Variants in SLC19A2 observed in about 807,000 individuals in gnomAD.
The protein encoded by SLC19A2 is thiamine transporter 1.
In SLC19A2, 27 loss-of-function variants were observed where a neutral mutation model predicts 44.7. That is an observed-to-expected ratio of 0.60 (90% CI 0.45 to 0.83). SLC19A2 has a LOEUF of 0.83. Ranked by LOEUF, SLC19A2 falls within the 40% of genes least tolerant of loss-of-function variation. The probability of loss-of-function intolerance (pLI) is 0.00; values close to 1 mark genes in which losing one functional copy is unlikely to be tolerated. For missense variants in SLC19A2, 566 were observed against 613.7 expected, an observed-to-expected ratio of 0.92 and a Z score of 0.82; for synonymous variants, 239 against 243.6, an observed-to-expected ratio of 0.98 and a Z score of 0.18.
At position 169,468,626 on chromosome 1, in the gene SLC19A2, A is replaced by G. The variant is rs199988640; in HGVS notation, c.1223+18T>C. 2 of 1,610,470 alleles carry G rather than the reference A, an allele frequency of 1.2e-6. No homozygotes were observed. Among genetic ancestry groups the G allele is most frequent in the East Asian group, 4.5e-5 (2 of 44,840 alleles). On this transcript the variant is annotated intron_variant, in intron 4 of 5. Coordinates refer to ENST00000236137, the MANE Select transcript of SLC19A2 (RefSeq NM_006996.3). ...TGTTACAATTTTTCCTAAGGCTTCT[A>G]TGAGCCAAAATACATACGTTGCTAT...
At chr1:169,467,413 A>G (rs1211297874) in intron 5 of SLC19A2, among the ~76,000 whole-genome samples, 1 of 152,228 alleles carries the variant, frequency 6.6e-6, no homozygotes. Flanking sequence ...TCGCTTCAGT[A>G]AAAACAAAGT....
Position 169,465,355 on chromosome 1 carries a change from T to C in SLC19A2, c.*494A>G, listed in dbSNP as rs1657962589. The stretch of plus-strand genomic sequence containing the variant: ...TAGAATAACTATGTAGAAAGACCAA[T>C]GTACATGAGTAACACAGAAATAAGA... On this transcript the variant is annotated 3_prime_UTR_variant, in exon 6 of 6. Coordinates refer to ENST00000236137, the MANE Select transcript of SLC19A2 (RefSeq NM_006996.3). 1 of 165,780 alleles carries C rather than the reference T, an allele frequency of 6.0e-6. No individual in the cohort carries two copies. 10.3% of individuals were successfully genotyped at this position (165,780 alleles called of 1,614,324 possible).
intron 2 of SLC19A2, among the ~76,000 whole-genome samples, chr1:169,472,001 CA>C (rs1358232613): frequency 1.3e-5 from 2 of 151,990 alleles, no homozygotes; most frequent in East Asian, 3.9e-4. Context: ...TGAGGTTAAT[CA>C]AAATAACTCA....
At chr1:169,468,516 A>G (rs1056098836) in intron 4 of SLC19A2, 128 bp downstream of exon 4, 12 of 788,928 alleles carry the variant, frequency 1.5e-5, no homozygotes, top group Middle Eastern at 5.7e-4. Context: ...GATAATGCAC[A>G]TATAATACAA....
intron 5 of SLC19A2, 151 bp downstream of exon 5, chr1:169,467,960 G>A (rs1658073543): frequency 2.7e-6 from 2 of 750,868 alleles, no homozygotes; most frequent in Non-Finnish European, 2.3e-6. Flanking sequence ...CTAAGGATAG[G>A]GGAGAAGATG....
At chr1:169,472,023 T>C (rs1483175799) in intron 2 of SLC19A2, among the ~76,000 whole-genome samples, 2 of 152,146 alleles carry the variant, frequency 1.3e-5, no homozygotes, top group Non-Finnish European at 2.9e-5. Flanking sequence ...GAGAAAGAAG[T>C]ACCGACACTT....
chr1:169,470,831 T>C (rs1487643105), intron 2 of SLC19A2, among the ~76,000 whole-genome samples: 1 of 152,048 alleles, frequency 6.6e-6, no homozygotes, highest in Non-Finnish European at 1.5e-5. Flanking sequence ...TCCCAAGAAG[T>C]CAATATGAGA....
chr1:169,474,822 C>T (rs180729176), intron 2 of SLC19A2, among the ~76,000 whole-genome samples: 1 of 152,176 alleles, frequency 6.6e-6, no homozygotes, highest in African/African-American at 2.4e-5. Context: ...CAGCACTGCC[C>T]ATCTGCTATG....
Position 169,485,722 on chromosome 1 carries a change from C to A in SLC19A2, c.45G>T (p.Ala15=). 1 of 1,531,930 alleles carries A rather than the reference C, an allele frequency of 6.5e-7. No individual in the cohort carries two copies. Among genetic ancestry groups the A allele is most frequent in the South Asian group, 1.2e-5 (1 of 83,562 alleles). 94.9% of individuals were successfully genotyped at this position (1,531,930 alleles called of 1,614,324 possible). ...GAGCGGTCCGCAGGAGCACAGTGGC[C>A]GCCGCCGCCGCCGCCCGCCGAGACA... The part of the protein sequence containing the change: ...GPVSRRAAAA[A]ATVLLRTARV... Residue 15 remains alanine (A), a synonymous_variant, in exon 1 of 6, where the codon GCG becomes GCT. Coordinates refer to ENST00000236137, the MANE Select transcript of SLC19A2 (RefSeq NM_006996.3).
At position 169,477,156 on chromosome 1, in the gene SLC19A2, G is replaced by T; in HGVS notation, c.806C>A (p.Pro269Gln). 1 of 1,613,466 alleles carries T rather than the reference G, an allele frequency of 6.2e-7. No individual in the cohort carries two copies. Among genetic ancestry groups the T allele is most frequent in the South Asian group, 1.1e-5 (1 of 91,016 alleles). Residue 269 changes from proline (P) to glutamine (Q), a missense_variant and splice_region_variant, in exon 2 of 6, where the codon CCG (proline) becomes CAG (glutamine). By Grantham distance (76) the Pro-to-Gln change is moderately conservative. Transcript: ENST00000236137. The part of the protein sequence containing the change: ...LNMEEPPVEE[P>Q]EPKPDRLLVL... ...CAAGATATTTAAGGCTGAGCTTACC[G>T]GTTCCTCCACGGGAGGCTCCTCCAT...
At position 169,468,711 on chromosome 1, in the gene SLC19A2, T is replaced by C; in HGVS notation, c.1156A>G (p.Ile386Val). Residue 386 changes from isoleucine (I) to valine (V), a missense_variant, in exon 4 of 6, where the codon ATT (isoleucine) becomes GTT (valine). By Grantham distance (29) the Ile-to-Val change is conservative. Coordinates refer to ENST00000236137, the MANE Select transcript of SLC19A2 (RefSeq NM_006996.3). ...ACATAGGATGCATAGCACACCCAAA[T>C]GTTACCCACAGTGTCCATGATATAC... ...AVYIMDTVGN[I>V]WVCYASYVVF... The C allele has an allele frequency of 6.2e-7, 1 of 1,613,858 alleles. No homozygotes were observed. The highest frequency in any genetic ancestry group is 8.5e-7 in the Non-Finnish European group (1 of 1,179,874).
At chr1:169,479,134 A>G (rs1212481560) in intron 1 of SLC19A2, among the ~76,000 whole-genome samples, 1 of 152,180 alleles carries the variant, frequency 6.6e-6, no homozygotes, top group Non-Finnish European at 1.5e-5. Flanking sequence ...GTCAATTCTT[A>G]CTTCTAGACA....
Position 169,485,719 on chromosome 1 carries a change from G to GGCCGCCGCC in SLC19A2, c.39_47dup (p.Ala14_Ala16dup). On this transcript the variant is annotated inframe_insertion, in exon 1 of 6. Transcript: ENST00000236137. ...CCCGAGCGGTCCGCAGGAGCACAGT[G>GGCCGCCGCC]GCCGCCGCCGCCGCCGCCCGCCGAG... 3 of 1,537,344 alleles carry GGCCGCCGCC rather than the reference G, an allele frequency of 2.0e-6. No homozygotes were observed. The highest frequency in any genetic ancestry group is 2.6e-6 in the Non-Finnish European group (3 of 1,145,378).
At position 169,485,771 on chromosome 1, in the gene SLC19A2, G is replaced by A; in HGVS notation, c.-5C>T. The A allele has an allele frequency of 2.0e-6, 3 of 1,528,932 alleles. No individual in the cohort carries two copies. Among genetic ancestry groups the A allele is most frequent in the Non-Finnish European group, 2.6e-6 (3 of 1,143,216 alleles). The allele number at this position is 1,528,932 out of a possible 1,614,324, so 94.7% of individuals were successfully genotyped here. ...CACCGGGCCGGGCACATCCATCCGG[G>A]GCGCGAGGGGAGGGGACCCGGCCCG... On this transcript the variant is annotated 5_prime_UTR_variant, in exon 1 of 6. Coordinates refer to ENST00000236137, the MANE Select transcript of SLC19A2 (RefSeq NM_006996.3).
Position 169,477,716 on chromosome 1 carries a change from C to A in SLC19A2, c.246G>T (p.Leu82=). 1 of 1,612,268 alleles carries A rather than the reference C, an allele frequency of 6.2e-7. No individual in the cohort carries two copies. The highest frequency in any genetic ancestry group is 1.3e-5 in the African/African-American group (1 of 74,406). ...CAAGGAACACAGGAAACAGTAGCAC[C>A]AGGTAAGAGTAAGTCCATACTGGAT... ...EIYPVWTYSY[L]VLLFPVFLAT... is the part of the protein sequence containing the mutation. Residue 82 remains leucine (L), a synonymous_variant, in exon 2 of 6, where the codon CTG becomes CTT. Coordinates refer to ENST00000236137, the MANE Select transcript of SLC19A2 (RefSeq NM_006996.3).
At position 169,473,465 on chromosome 1, in the gene SLC19A2, C is replaced by T. The variant is rs375533408; in HGVS notation, c.808-3279G>A. On this transcript the variant is annotated intron_variant, in intron 2 of 5. Coordinates refer to ENST00000236137, the MANE Select transcript of SLC19A2 (RefSeq NM_006996.3). The stretch of plus-strand genomic sequence containing the variant: ...TTCACTATGTTGGCAAGGCTCGTCT[C>T]GAACTCCTGACCTCAAGTGATCTGC... Among the ~76,000 whole-genome samples, 9 of 150,944 alleles carry T rather than the reference C, an allele frequency of 6.0e-5. No individual in the cohort carries two copies. The South Asian group carries it at 1.7e-3, about 28-fold the overall frequency.
rs1338419252 is a variant in SLC19A2, at chr1:169,485,477, G to A, written c.204+86C>T. ...GAAATCTCTGCCGAGAATGGCTCGA[G>A]CGCTTTTCTCGGTCCTCTCTTCCTC... is the stretch of plus-strand genomic sequence containing the variant. On this transcript the variant is annotated intron_variant, in intron 1 of 5. Transcript: ENST00000236137. 3.5e-6 allele frequency: 5 copies of A among 1,417,394 alleles called. No homozygotes were observed. The East Asian group carries it at 1.2e-4, about 35-fold the overall frequency. 87.8% of individuals were successfully genotyped at this position (1,417,394 alleles called of 1,614,324 possible). A position where few individuals can be genotyped will look rare whatever the true frequency, so the allele number is the denominator to read the frequency against.
intron 2 of SLC19A2, among the ~76,000 whole-genome samples, chr1:169,471,698 G>GTGTGTATA (rs1553212202): frequency 4.8e-4 from 70 of 146,976 alleles, no homozygotes; most frequent in African/African-American, 1.7e-3. Flanking sequence ...GTGTGTGTGT[G>GTGTGTATA]TATATATACA....
In SLC19A2 at chr1:169,464,204, A is replaced by C. The variant is rs971531760; in HGVS notation, c.*1645T>G. On this transcript the variant is annotated 3_prime_UTR_variant, in exon 6 of 6. Transcript: ENST00000236137. ...AACAATTTGTACCACATTCCATTAA[A>C]AAAAGATTTAATAAAATCCCTCAAA... 2.6e-5 allele frequency: 4 copies of C among 152,630 alleles called. No homozygotes were observed. The highest frequency in any genetic ancestry group is 9.6e-5 in the African/African-American group (4 of 41,458). 9.5% of individuals were successfully genotyped at this position (152,630 alleles called of 1,614,324 possible).
Sources: gnomAD v4.1 joint callset for allele counts (sites outside exome capture counted in the v4.1 genomes callset) on GRCh38, gnomAD v4.1.1 for gene constraint, MANE v1.5 for transcripts, NCBI Gene and HGNC (gene_info 2026-07-23, HGNC 2026-07-21) for gene names.